CYSTM1: variants seen among roughly 807,000 people sequenced by gnomAD.
CYSTM1 encodes cysteine rich transmembrane module containing 1.
A neutral mutation model predicts 13.1 loss-of-function variants in CYSTM1; 4 were observed. That is an observed-to-expected ratio of 0.31 (90% CI 0.15 to 0.70). CYSTM1 has a LOEUF of 0.70. Ranked by LOEUF, CYSTM1 falls within the 30% of genes least tolerant of loss-of-function variation. The pLI is 0.72. For missense variants in CYSTM1, 96 were observed against 121.6 expected (o/e 0.79, Z 0.99); for synonymous variants, 36 against 42.7 (o/e 0.84, Z 0.62).
intron 2 of CYSTM1, among the ~76,000 whole-genome samples, chr5:140,207,500 G>T (rs1764312709): frequency 6.6e-6 from 1 of 152,176 alleles, no homozygotes; most frequent in African/African-American, 2.4e-5. Context: ...TTACTTGAGG[G>T]TAAAGAGGTC....
In CYSTM1 at chr5:140,219,549, G is replaced by A. The variant is rs10079286; in HGVS notation, c.188-23756G>A. Among the ~76,000 whole-genome samples, 36,551 of 152,008 alleles carry A rather than the reference G, an allele frequency of 0.24. 4,449 individuals are homozygous for A. Among genetic ancestry groups the A allele is most frequent in the African/African-American group, 0.28 (11,586 of 41,422 alleles). ...TGTACCAGCCTCTAAACTGAGGTGCGTTCAGGAGAAAACACTACTGTTTTT... is the reference window on the plus strand; with the variant it reads ...TGTACCAGCCTCTAAACTGAGGTGCATTCAGGAGAAAACACTACTGTTTTT... On this transcript the variant is annotated intron_variant, in intron 2 of 2. Transcript: ENST00000261811. The surrounding 1 kb of genome is among the most constrained non-coding windows in gnomAD (Gnocchi z 4.1).
intron 2 of CYSTM1, among the ~76,000 whole-genome samples, chr5:140,231,448 C>T (rs1285467512): frequency 6.6e-6 from 1 of 152,168 alleles, no homozygotes; most frequent in Non-Finnish European, 1.5e-5. Context: ...GTAAACGTAG[C>T]TCCAGAGTGT....
chr5:140,231,320 A>C (rs956308331), intron 2 of CYSTM1, among the ~76,000 whole-genome samples: 3 of 152,198 alleles, frequency 2.0e-5, no homozygotes, highest in African/African-American at 4.8e-5. Flanking sequence ...ATTTTAGCCC[A>C]TCTTTGTCAC....
chr5:140,193,594 C>T (rs1348485881), intron 1 of CYSTM1, among the ~76,000 whole-genome samples: 3 of 152,174 alleles, frequency 2.0e-5, no homozygotes, highest in Admixed American at 2.0e-4. Context: ...TGTTTTTAAT[C>T]TGAAAGTCAC....
chr5:140,213,764 G>A (rs1764398500), intron 2 of CYSTM1, among the ~76,000 whole-genome samples: 1 of 152,172 alleles, frequency 6.6e-6, no homozygotes, highest in African/African-American at 2.4e-5. Flanking sequence ...TAGCCTAGGA[G>A]CAATAGGTGA....
chr5:140,205,724 C>T (rs1225816187), intron 2 of CYSTM1, among the ~76,000 whole-genome samples: 1 of 152,148 alleles, frequency 6.6e-6, no homozygotes. Context: ...TTAGTACCCT[C>T]CCCTGGCCCA....
intron 2 of CYSTM1, among the ~76,000 whole-genome samples, chr5:140,241,959 G>A (rs1030656420): frequency 9.2e-5 from 14 of 152,234 alleles, no homozygotes; most frequent in Non-Finnish European, 1.0e-4. Context: ...CCTCTGCCTC[G>A]TCACATGTGC....
chr5:140,229,745 T>C (rs1032084665), intron 2 of CYSTM1, among the ~76,000 whole-genome samples: 2 of 152,176 alleles, frequency 1.3e-5, no homozygotes, highest in African/African-American at 4.8e-5. Flanking sequence ...TTGCCCAGGC[T>C]GGAGTGCAAT....
intron 2 of CYSTM1, among the ~76,000 whole-genome samples, chr5:140,197,292 C>A (rs573708378): frequency 6.6e-6 from 1 of 152,274 alleles, no homozygotes; most frequent in South Asian, 2.1e-4. Context: ...TTGATGTCAG[C>A]CTTTTTGATG....
chr5:140,218,468 T>C (rs1240327006), intron 2 of CYSTM1, among the ~76,000 whole-genome samples: 1 of 152,192 alleles, frequency 6.6e-6, no homozygotes, highest in Non-Finnish European at 1.5e-5. Context: ...GTGGATTAAC[T>C]CATCAAGTTC....
rs980680121 is a variant in CYSTM1, at chr5:140,224,149, G to T, written c.188-19156G>T. Among the ~76,000 whole-genome samples the T allele has an allele frequency of 3.9e-5, 6 of 152,180 alleles. No individual in the cohort carries two copies. The East Asian group carries it at 7.7e-4, about 20-fold the overall frequency. Reference sequence around the variant, plus strand: ...TCAGAGTTTATTTTTTTGTTTGTTTGTTTTTTTGAGACGGAGTTTCGTTCT... The same window carrying T: ...TCAGAGTTTATTTTTTTGTTTGTTTTTTTTTTTGAGACGGAGTTTCGTTCT... On this transcript the variant is annotated intron_variant, in intron 2 of 2. Transcript: ENST00000261811.
Position 140,237,860 on chromosome 5 carries a change from T to C in CYSTM1, c.188-5445T>C, listed in dbSNP as rs527401587. ...GCCCTGGGATAGCTGCTTGGTTTTGTCCAGGGGCAGCCTCCCTCCCAGGAT... is the reference window on the plus strand; with the variant it reads ...GCCCTGGGATAGCTGCTTGGTTTTGCCCAGGGGCAGCCTCCCTCCCAGGAT... On this transcript the variant is annotated intron_variant, in intron 2 of 2. Transcript: ENST00000261811. 3.7e-4 allele frequency among the ~76,000 whole-genome samples: 56 copies of C among 152,288 alleles called. 1 individual carries two copies. The South Asian group carries it at 0.011, about 30-fold the overall frequency.
chr5:140,217,119 C>T (rs1764438381), intron 2 of CYSTM1, among the ~76,000 whole-genome samples: 1 of 152,036 alleles, frequency 6.6e-6, no homozygotes, highest in Admixed American at 6.6e-5. Context: ...CCTTGGTTTC[C>T]TCTGAGCTTT....
At chr5:140,232,078 A>G (rs1380206733) in intron 2 of CYSTM1, among the ~76,000 whole-genome samples, 1 of 152,168 alleles carries the variant, frequency 6.6e-6, no homozygotes, top group Non-Finnish European at 1.5e-5. Context: ...TTGGATATGG[A>G]CATTGAGGAA....
chr5:140,176,024 T>C (rs975388259), intron 1 of CYSTM1, among the ~76,000 whole-genome samples: 6 of 151,862 alleles, frequency 4.0e-5, no homozygotes, highest in Admixed American at 6.6e-5. Flanking sequence ...GAAAAACGAT[T>C]TGGGGACTGA....
At chr5:140,203,943 T>G (rs1048764966) in intron 2 of CYSTM1, among the ~76,000 whole-genome samples, 1 of 152,196 alleles carries the variant, frequency 6.6e-6, no homozygotes, top group African/African-American at 2.4e-5. Context: ...GTGAATAGAT[T>G]TGAATTGTTA....
intron 2 of CYSTM1, among the ~76,000 whole-genome samples, chr5:140,221,485 A>G (rs929069471): frequency 3.9e-5 from 6 of 152,212 alleles, no homozygotes; most frequent in African/African-American, 1.4e-4. Context: ...GTCCTTCTGG[A>G]CTGGCTTATT....
At chr5:140,196,814 G>A (rs1486400006) in intron 2 of CYSTM1, among the ~76,000 whole-genome samples, 1 of 152,202 alleles carries the variant, frequency 6.6e-6, no homozygotes, top group Non-Finnish European at 1.5e-5. Context: ...CAAAAACTAT[G>A]TATGATGCCA....
chr5:140,209,739 T>C (rs1424664651), intron 2 of CYSTM1, among the ~76,000 whole-genome samples: 1 of 152,194 alleles, frequency 6.6e-6, no homozygotes. Context: ...TTTTGTATTT[T>C]TGTAGAGACA....
Sources: gnomAD v4.1 joint callset for allele counts (sites outside exome capture counted in the v4.1 genomes callset) on GRCh38, gnomAD v4.1.1 for gene constraint, Gnocchi (gnomAD v3.1) non-coding constraint, MANE v1.5 for transcripts, NCBI Gene and HGNC (gene_info 2026-07-23, HGNC 2026-07-21) for gene names.